Variants in MPPED1 observed in about 807,000 individuals in gnomAD.
The protein encoded by MPPED1 is metallophosphoesterase domain containing 1.
Under a neutral mutation model 36.2 loss-of-function variants are expected in MPPED1, and 16 were observed. The ratio of observed to expected loss-of-function variants is 0.44; its 90% confidence interval spans 0.30 to 0.67. The LOEUF is 0.67. Ranked by LOEUF, MPPED1 falls within the 30% of genes least tolerant of loss-of-function variation. The pLI, the probability that MPPED1 is intolerant of heterozygous loss-of-function variation, is 0.10. For missense variants in MPPED1, 307 were observed against 453.4 expected, an observed-to-expected ratio of 0.68 and a Z score of 2.93; for synonymous variants, 199 against 191.3, an observed-to-expected ratio of 1.04 and a Z score of -0.33.
intron 3 of MPPED1, among the ~76,000 whole-genome samples, chr22:43,456,242 A>C (rs922944590): frequency 2.0e-5 from 3 of 152,208 alleles, no homozygotes; most frequent in Non-Finnish European, 2.9e-5. Context: ...GAAGACTTTT[A>C]GTCCTTCACT....
intron 3 of MPPED1, among the ~76,000 whole-genome samples, chr22:43,441,692 G>A (rs1167234958): frequency 1.3e-5 from 2 of 152,162 alleles, no homozygotes; most frequent in Non-Finnish European, 2.9e-5. Flanking sequence ...CAATATAAAA[G>A]GGGTCCAAGG....
chr22:43,457,341 G>A (rs984846071), intron 3 of MPPED1, among the ~76,000 whole-genome samples: 4 of 151,980 alleles, frequency 2.6e-5, no homozygotes, highest in African/African-American at 7.3e-5. Context: ...CTCTTTTGGC[G>A]TCTGGATACT....
chr22:43,457,915 A>G (rs996344703), intron 3 of MPPED1, among the ~76,000 whole-genome samples: 4 of 152,208 alleles, frequency 2.6e-5, no homozygotes, highest in Non-Finnish European at 4.4e-5. Flanking sequence ...GTTTCTGTCA[A>G]TGACAGACTG....
chr22:43,435,028 C>CTGCA lies in MPPED1; in HGVS notation c.225-5_225-2dup, dbSNP rs1217474491. The CTGCA allele has an allele frequency of 6.2e-7, 1 of 1,613,212 alleles. No individual in the cohort carries two copies. Among genetic ancestry groups the CTGCA allele is most frequent in the South Asian group, 1.1e-5 (1 of 91,044 alleles). On this transcript the variant is annotated splice_region_variant and splice_polypyrimidine_tract_variant and intron_variant, in intron 2 of 6. Coordinates refer to ENST00000443721, the MANE Select transcript of MPPED1 (RefSeq NM_001044370.2). Reference sequence around the variant, plus strand: ...TCCTGATCCGCAGTGTCATCTCTCCCTGCAGGGTGGACCCGGTGCCTCACG... The same window carrying CTGCA: ...TCCTGATCCGCAGTGTCATCTCTCCCTGCATGCAGGGTGGACCCGGTGCCTCACG...
chr22:43,437,681 G>T (rs1441887517), intron 3 of MPPED1, among the ~76,000 whole-genome samples: 1 of 152,228 alleles, frequency 6.6e-6, no homozygotes, highest in Non-Finnish European at 1.5e-5. Flanking sequence ...TTTTAAAAGG[G>T]GGCGGTTAGG....
In MPPED1 at chr22:43,497,935, G is replaced by GTATATATATATATATATATA. The variant is rs753427064; in HGVS notation, c.633-287_633-286insATATATATATATATATATAT. ...AAGAAGCTGATATATATATGTATATGTATATATATATATGTATTTAGCTTT... is the reference window on the plus strand; with the variant it reads ...AAGAAGCTGATATATATATGTATATGTATATATATATATATATATATATATATATATATGTATTTAGCTTT... On this transcript the variant is annotated intron_variant, in intron 4 of 6. Transcript: ENST00000443721. 3.8e-3 allele frequency among the ~76,000 whole-genome samples: 491 copies of GTATATATATATATATATATA among 128,344 alleles called. 11 individuals are homozygous for GTATATATATATATATATATA. The highest frequency in any genetic ancestry group is 0.013 in the East Asian group (60 of 4,662). The allele number at this position is 128,344 out of a possible 152,430, so 84.2% of individuals were successfully genotyped here.
intron 3 of MPPED1, among the ~76,000 whole-genome samples, chr22:43,456,178 G>A (rs1378044188): frequency 6.6e-6 from 1 of 152,222 alleles, no homozygotes; most frequent in Non-Finnish European, 1.5e-5. Flanking sequence ...CAAGCATAAT[G>A]TTGAATAGAA....
In MPPED1 at chr22:43,474,670, C is replaced by A. The variant is rs957912754; in HGVS notation, c.407-66C>A. ...TCCTCCTGCCCGCCCCTCTCTCAGC[C>A]GTGCTGTGGCTTCTGGACAAGCTGA... On this transcript the variant is annotated intron_variant, in intron 3 of 6. Transcript: ENST00000443721. The surrounding 1 kb of genome is among the most constrained non-coding windows in gnomAD (Gnocchi z 5.2). 6.3e-7 allele frequency: 1 copy of A among 1,580,840 alleles called. No individual in the cohort carries two copies. Among genetic ancestry groups the A allele is most frequent in the Admixed American group, 1.7e-5 (1 of 59,516 alleles).
chr22:43,499,269 A>G (rs1453203176), intron 5 of MPPED1, among the ~76,000 whole-genome samples: 5 of 106,446 alleles, frequency 4.7e-5, no homozygotes, highest in South Asian at 7.1e-4. Flanking sequence ...GGTGGTGGTG[A>G]TGGTGATGGG....
chr22:43,416,138 G>A (rs928872724), intron 1 of MPPED1, among the ~76,000 whole-genome samples: 1 of 152,224 alleles, frequency 6.6e-6, no homozygotes, highest in Non-Finnish European at 1.5e-5. Context: ...AGAGGCAAAG[G>A]TTCTCTCCCC....
chr22:43,486,447 T>C (rs929403671), intron 4 of MPPED1, among the ~76,000 whole-genome samples: 2 of 151,884 alleles, frequency 1.3e-5, no homozygotes, highest in Non-Finnish European at 2.9e-5. Context: ...GGGAAGGAGA[T>C]TGGACCTGGA....
rs766986094 is a variant in MPPED1, at chr22:43,474,429, C to T, written c.407-307C>T. On this transcript the variant is annotated intron_variant, in intron 3 of 6. Transcript: ENST00000443721. This position sits in a 1 kb window ranked among gnomAD's most constrained non-coding sequence, Gnocchi z 5.2. ...TGCCTCCTTTGATCTGATGAAGACA[C>T]CTGTTGGGGGCCTGGCAGCAGGTAC... Among the ~76,000 whole-genome samples, 68 of 152,198 alleles carry T rather than the reference C, an allele frequency of 4.5e-4. No homozygotes were observed. Among genetic ancestry groups the T allele is most frequent in the Non-Finnish European group, 7.5e-4 (51 of 68,030 alleles).
intron 1 of MPPED1, among the ~76,000 whole-genome samples, chr22:43,420,979 C>T (rs922513148): frequency 2.0e-5 from 3 of 152,290 alleles, no homozygotes; most frequent in Non-Finnish European, 1.5e-5. Flanking sequence ...ATCCATCCTC[C>T]CCCGTAGTTC....
intron 3 of MPPED1, among the ~76,000 whole-genome samples, chr22:43,445,879 C>CTTT (rs1930323306): frequency 4.8e-4 from 17 of 35,434 alleles, no homozygotes; most frequent in African/African-American, 8.6e-4. Context: ...CTGGTGTTTA[C>CTTT]ATTTTCTTTT....
intron 1 of MPPED1, among the ~76,000 whole-genome samples, chr22:43,420,365 C>T (rs938228083): frequency 2.0e-5 from 3 of 151,986 alleles, no homozygotes; most frequent in Admixed American, 6.6e-5. Context: ...TTCCCCAGGT[C>T]GGGGTGTCAT....
At position 43,505,811 on chromosome 22, in the gene MPPED1, G is replaced by A. The variant is rs1932799383; in HGVS notation, c.*195G>A. On this transcript the variant is annotated 3_prime_UTR_variant, in exon 7 of 7. Transcript: ENST00000443721. ...TGGGACCCTGCGCATCCCCATCAGGGGTTCTGTGCTCATTTACTTTTTCTG... is the reference window on the plus strand; with the variant it reads ...TGGGACCCTGCGCATCCCCATCAGGAGTTCTGTGCTCATTTACTTTTTCTG... The A allele has an allele frequency of 1.8e-6, 1 of 562,266 alleles. No individual in the cohort carries two copies. The highest frequency in any genetic ancestry group is 3.2e-6 in the Non-Finnish European group (1 of 314,756). The allele number at this position is 562,266 out of a possible 1,614,324, so 34.8% of individuals were successfully genotyped here. A position where few individuals can be genotyped will look rare whatever the true frequency, so the allele number is the denominator to read the frequency against.
intron 1 of MPPED1, among the ~76,000 whole-genome samples, chr22:43,413,274 C>A (rs957318133): frequency 4.2e-5 from 6 of 141,842 alleles, no homozygotes; most frequent in Non-Finnish European, 7.6e-5. Context: ...AGCTGGCTCA[C>A]GGGAGTTGAA....
intron 4 of MPPED1, among the ~76,000 whole-genome samples, chr22:43,481,285 C>G (rs1779037940): frequency 6.6e-6 from 1 of 152,150 alleles, no homozygotes; most frequent in South Asian, 2.1e-4. Context: ...GAAAGCCTAT[C>G]CTCTTTACTC....
At chr22:43,459,367 C>T (rs541545220) in intron 3 of MPPED1, among the ~76,000 whole-genome samples, 1 of 152,326 alleles carries the variant, frequency 6.6e-6, no homozygotes, top group Non-Finnish European at 1.5e-5. Context: ...GGATTACAGG[C>T]GTGAGCTATT....
Sources: gnomAD v4.1 joint callset for allele counts (sites outside exome capture counted in the v4.1 genomes callset) on GRCh38, gnomAD v4.1.1 for gene constraint, Gnocchi (gnomAD v3.1) non-coding constraint, MANE v1.5 for transcripts, NCBI Gene and HGNC (gene_info 2026-07-23, HGNC 2026-07-21) for gene names.